The following MAPK11 variants were observed in gnomAD, a reference collection of about 807,000 sequenced individuals.
MAPK11 encodes mitogen-activated protein kinase 11.
A neutral mutation model predicts 52.2 loss-of-function variants in MAPK11; 44 were observed. That is an observed-to-expected ratio of 0.84 (90% CI 0.66 to 1.08). MAPK11 has a LOEUF of 1.08. Among genes scored for constraint, MAPK11 ranks in the 50% least tolerant of loss-of-function variants. The pLI is 0.00. For missense variants in MAPK11, 436 were observed against 494.7 expected, an observed-to-expected ratio of 0.88 and a Z score of 1.13; for synonymous variants, 233 against 206.3, an observed-to-expected ratio of 1.13 and a Z score of -1.11.
At position 50,264,905 on chromosome 22, in the gene MAPK11, C is replaced by G. The variant is rs769633538; in HGVS notation, c.*43G>C. 15 of 1,536,308 alleles carry G rather than the reference C, an allele frequency of 9.8e-6. No individual in the cohort carries two copies. Among genetic ancestry groups the G allele is most frequent in the Non-Finnish European group, 1.3e-5 (15 of 1,122,756 alleles). ...CAGGCCAGCTGTGGAAGGGTGCAGG[C>G]CCAAGCCCCTCCACAGGCTCTCAGG... On this transcript the variant is annotated 3_prime_UTR_variant, in exon 12 of 12. Coordinates refer to ENST00000330651, the MANE Select transcript of MAPK11 (RefSeq NM_002751.7).
Position 50,270,064 on chromosome 22 carries a change from C to A in MAPK11, c.116+113G>T, listed in dbSNP as rs964334824. The A allele has an allele frequency of 1.2e-4, 39 of 329,060 alleles. No homozygotes were observed. The highest frequency in any genetic ancestry group is 1.7e-4 in the Non-Finnish European group (34 of 194,814). 20.4% of individuals were successfully genotyped at this position (329,060 alleles called of 1,614,324 possible). On this transcript the variant is annotated intron_variant, in intron 1 of 11. Coordinates refer to ENST00000330651, the MANE Select transcript of MAPK11 (RefSeq NM_002751.7). This position sits in a 1 kb window ranked among gnomAD's most constrained non-coding sequence, Gnocchi z 6.3. Reference sequence around the variant, plus strand: ...CTCAGATCCGCTTGGCGCCCGGGGGCGGAGGCAGGGCGAGGCCCCTCCCCA... The same window carrying A: ...CTCAGATCCGCTTGGCGCCCGGGGGAGGAGGCAGGGCGAGGCCCCTCCCCA...
In MAPK11 at chr22:50,264,923, C is replaced by G; in HGVS notation, c.*25G>C. On this transcript the variant is annotated 3_prime_UTR_variant, in exon 12 of 12. Coordinates refer to ENST00000330651, the MANE Select transcript of MAPK11 (RefSeq NM_002751.7). ...GTGCAGGCCCAAGCCCCTCCACAGG[C>G]TCTCAGGGGCTGCTGGGCAGCACCT... The G allele has an allele frequency of 6.3e-7, 1 of 1,595,168 alleles. No homozygotes were observed. Among genetic ancestry groups the G allele is most frequent in the South Asian group, 1.1e-5 (1 of 88,478 alleles).
chr22:50,268,035 C>A, intron 1 of MAPK11, 86 bp from the exon 2 acceptor site: 2 of 1,331,902 alleles, frequency 1.5e-6, no homozygotes, highest in Non-Finnish European at 2.0e-6. Flanking sequence ...CCTCTCGCCG[C>A]TTCTCCGTGG....
rs1210576568 is a variant in MAPK11 at position 50,270,110 on chromosome 22, C to G, written c.116+67G>C. On this transcript the variant is annotated intron_variant, in intron 1 of 11. Coordinates refer to ENST00000330651, the MANE Select transcript of MAPK11 (RefSeq NM_002751.7). The surrounding 1 kb of genome is among the most constrained non-coding windows in gnomAD (Gnocchi z 6.3). ...CCCCACGCCGAGAACCTCGCGCGGG[C>G]GAGGAGGGGACGCGCTCTCCGGCCC... The G allele has an allele frequency of 2.5e-6, 2 of 815,424 alleles. No individual in the cohort carries two copies. The highest frequency in any genetic ancestry group is 4.2e-4 in the Middle Eastern group (1 of 2,404). The allele number at this position is 815,424 out of a possible 1,614,324, so 50.5% of individuals were successfully genotyped here.
chr22:50,267,093 C>T (rs2065269241), intron 6 of MAPK11, 34 bp downstream of exon 6: 5 of 1,611,186 alleles, frequency 3.1e-6, no homozygotes, highest in Non-Finnish European at 4.2e-6. Flanking sequence ...CGGGCTCCGC[C>T]GCCGCCCTGC....
chr22:50,268,440 A>G (rs2065283556), intron 1 of MAPK11, among the ~76,000 whole-genome samples: 2 of 152,218 alleles, frequency 1.3e-5, no homozygotes, highest in African/African-American at 2.4e-5. Context: ...CAAAATACGG[A>G]GGGAAAGTTG....
At position 50,270,215 on chromosome 22, in the gene MAPK11, C is replaced by G; in HGVS notation, c.78G>C (p.Gly26=). 2.0e-6 allele frequency: 3 copies of G among 1,505,580 alleles called. No individual in the cohort carries two copies. Among genetic ancestry groups the G allele is most frequent in the Non-Finnish European group, 2.6e-6 (3 of 1,133,524 alleles). The allele number at this position is 1,505,580 out of a possible 1,614,324, so 93.3% of individuals were successfully genotyped here. ...TVWEVPQRLQ[G]LRPVGSGAYG... ...AGGCGCCGGAGCCCACCGGGCGCAG[C>G]CCCTGCAGCCGCTGCGGCACCTCCC... Residue 26 remains glycine, a synonymous_variant, in exon 1 of 12, where the codon GGG becomes GGC. Transcript: ENST00000330651. The surrounding 1 kb of genome is among the most constrained non-coding windows in gnomAD (Gnocchi z 6.3).
rs1301017366 is a variant in MAPK11, at chr22:50,263,726, C to A, written c.*1222G>T. On this transcript the variant is annotated 3_prime_UTR_variant, in exon 12 of 12. Transcript: ENST00000330651. ...ATACAAGCCAAGTGAGAGAGAACCCCCTTTATTGTGCACCCCTGGTGCAGG... is the reference window on the plus strand; with the variant it reads ...ATACAAGCCAAGTGAGAGAGAACCCACTTTATTGTGCACCCCTGGTGCAGG... The A allele has an allele frequency of 1.3e-5, 2 of 152,164 alleles. No homozygotes were observed. The highest frequency in any genetic ancestry group is 2.9e-5 in the Non-Finnish European group (2 of 68,062). 9.4% of individuals were successfully genotyped at this position (152,164 alleles called of 1,614,324 possible).
At chr22:50,268,393 C>T (rs955279306) in intron 1 of MAPK11, among the ~76,000 whole-genome samples, 1 of 152,222 alleles carries the variant, frequency 6.6e-6, no homozygotes, top group East Asian at 1.9e-4. Context: ...TCTAGAGCCA[C>T]CTCAAAGCCC....
At chr22:50,269,160 C>G (rs1417769810) in intron 1 of MAPK11, among the ~76,000 whole-genome samples, 1 of 152,212 alleles carries the variant, frequency 6.6e-6, no homozygotes, top group African/African-American at 2.4e-5. Context: ...GACCCTCTTC[C>G]TGCCCTTCAG....
At chr22:50,266,145 A>G in intron 9 of MAPK11, 81 bp downstream of exon 9, 3 of 1,211,212 alleles carry the variant, frequency 2.5e-6, no homozygotes, top group Non-Finnish European at 3.5e-6. Flanking sequence ...TGGTCCCCGC[A>G]TTTCCACACC....
Position 50,266,944 on chromosome 22 carries a change from G to A in MAPK11, c.600C>T (p.Tyr200=), listed in dbSNP as rs747387998. The A allele has an allele frequency of 3.1e-5, 50 of 1,610,018 alleles. No homozygotes were observed. The East Asian group carries it at 9.8e-4, about 32-fold the overall frequency. ...APEIMLNWMH[Y]NQTVDIWSVG... ...GCCTTCCCCCTGCACCTGTTTGGTT[G>A]TAATGCATCCAGTTGAGCATGATCT... Residue 200 remains tyrosine, a synonymous_variant, in exon 7 of 12, where the codon TAC becomes TAT. Transcript: ENST00000330651.
Position 50,266,535 on chromosome 22 carries a change from G to T in MAPK11, c.682+5C>A. Reference sequence around the variant, plus strand: ...ACCCTGCTCCCCAACCTGGGCCAAGGATACAGTCGCTTCCCGGGAAGAGGG... The same window carrying T: ...ACCCTGCTCCCCAACCTGGGCCAAGTATACAGTCGCTTCCCGGGAAGAGGG... On this transcript the variant is annotated splice_donor_5th_base_variant and intron_variant, in intron 8 of 11. Coordinates refer to ENST00000330651, the MANE Select transcript of MAPK11 (RefSeq NM_002751.7). The T allele has an allele frequency of 6.6e-7, 1 of 1,517,440 alleles. No individual in the cohort carries two copies. The highest frequency in any genetic ancestry group is 8.8e-7 in the Non-Finnish European group (1 of 1,133,962). 94.0% of individuals were successfully genotyped at this position (1,517,440 alleles called of 1,614,324 possible).
rs201194277 is a variant in MAPK11, at chr22:50,265,280, C to T, written c.1015+41G>A. 9 of 1,602,908 alleles carry T rather than the reference C, an allele frequency of 5.6e-6. No individual in the cohort carries two copies. The East Asian group carries it at 6.7e-5, about 12-fold the overall frequency. The stretch of plus-strand genomic sequence containing the variant: ...TTCCTGCCTCTGGGGAAATGGAGCC[C>T]GCAGGCCCCTGGACCCACCCCCAGC... On this transcript the variant is annotated intron_variant, in intron 11 of 11. Transcript: ENST00000330651.
Position 50,264,820 on chromosome 22 carries a change from A to T in MAPK11, c.*128T>A, listed in dbSNP as rs1409230385. 2 of 587,646 alleles carry T rather than the reference A, an allele frequency of 3.4e-6. No homozygotes were observed. Among genetic ancestry groups the T allele is most frequent in the Non-Finnish European group, 5.8e-6 (2 of 343,930 alleles). The allele number at this position is 587,646 out of a possible 1,614,324, so 36.4% of individuals were successfully genotyped here. On this transcript the variant is annotated 3_prime_UTR_variant, in exon 12 of 12. Coordinates refer to ENST00000330651, the MANE Select transcript of MAPK11 (RefSeq NM_002751.7). ...ATGCGTGTAGATTCTCCTGAAGGCG[A>T]GGGGTCCTAGGCCAGAAGTCTGTGA...
intron 11 of MAPK11, 126 bp from the exon 12 acceptor site, chr22:50,265,153 G>A: frequency 8.2e-7 from 1 of 1,217,436 alleles, no homozygotes; most frequent in South Asian, 1.4e-5. Flanking sequence ...CAGTCTGGGA[G>A]CCAGAACCTG....
intron 8 of MAPK11, 60 bp from the exon 9 acceptor site, chr22:50,266,365 C>G: frequency 6.5e-7 from 1 of 1,532,350 alleles, no homozygotes; most frequent in Non-Finnish European, 8.9e-7. Flanking sequence ...CCCCCAGACC[C>G]AAAACTTTGG....
At chr22:50,269,959 G>A (rs938545645) in intron 1 of MAPK11, among the ~76,000 whole-genome samples, 2 of 151,430 alleles carry the variant, frequency 1.3e-5, no homozygotes, top group African/African-American at 4.9e-5. Context: ...GGGAGAGGCC[G>A]GAGGACCCCC....
chr22:50,265,301 C>G lies in MAPK11; in HGVS notation c.1015+20G>C, dbSNP rs1479326745. On this transcript the variant is annotated intron_variant, in intron 11 of 11. Transcript: ENST00000330651. ...AGCCCGCAGGCCCCTGGACCCACCC[C>G]CAGCCACTGCCATGCTCACCCTTCC... 3 of 1,611,326 alleles carry G rather than the reference C, an allele frequency of 1.9e-6. No individual in the cohort carries two copies. The highest frequency in any genetic ancestry group is 1.3e-5 in the African/African-American group (1 of 75,044).
Sources: allele counts gnomAD v4.1 joint callset (sites outside exome capture counted in the v4.1 genomes callset), GRCh38; gene constraint gnomAD v4.1.1; non-coding constraint Gnocchi (gnomAD v3.1); transcripts MANE v1.5; gene names NCBI Gene and HGNC (gene_info 2026-07-23, HGNC 2026-07-21).